The following CXCL17 variants were observed in gnomAD, a reference collection of about 807,000 sequenced individuals.
CXCL17 encodes the protein C-X-C motif chemokine 17.
In CXCL17, 9 loss-of-function variants were observed where a neutral mutation model predicts 15.5. The ratio of observed to expected loss-of-function variants is 0.58; its 90% confidence interval spans 0.35 to 1.01. The LOEUF (loss-of-function observed/expected upper bound fraction) is 1.01. Ranked by LOEUF, CXCL17 falls within the 50% of genes least tolerant of loss-of-function variation. CXCL17 has a pLI of 0.02. For missense variants in CXCL17, 133 were observed against 138.2 expected (o/e 0.96, Z 0.19); for synonymous variants, 52 against 52.3 (o/e 0.99, Z 0.02).
At chr19:42,436,001 T>C (rs1008443866) in intron 1 of CXCL17, among the ~76,000 whole-genome samples, 3 of 152,150 alleles carry the variant, frequency 2.0e-5, no homozygotes, top group African/African-American at 7.2e-5. Context: ...CTGTGAGGAA[T>C]AAATTTCTCT....
Position 42,433,096 on chromosome 19 carries a change from T to G in CXCL17, c.161-19A>C. 3 of 1,551,992 alleles carry G rather than the reference T, an allele frequency of 1.9e-6. No homozygotes were observed. Among genetic ancestry groups the G allele is most frequent in the Non-Finnish European group, 2.7e-6 (3 of 1,124,860 alleles). ...AACCAATCTGGAACAACAGCATTGC[T>G]GCTTAGATGGGAGAGTTAATACATT... On this transcript the variant is annotated intron_variant, in intron 2 of 3. Transcript: ENST00000601181.
chr19:42,433,814 C>T lies in CXCL17; in HGVS notation c.122G>A (p.Arg41Lys). The T allele has an allele frequency of 6.2e-7, 1 of 1,614,124 alleles. No homozygotes were observed. Among genetic ancestry groups the T allele is most frequent in the South Asian group, 1.1e-5 (1 of 91,080 alleles). Residue 41 changes from arginine to lysine, a missense_variant, in exon 2 of 4, where the codon AGA becomes AAA. By Grantham distance (26) the Arg-to-Lys change is conservative. Coordinates refer to ENST00000601181, the MANE Select transcript of CXCL17 (RefSeq NM_198477.3). ...TTCTTGGCCGCCTTCCTGGAGCCAT[C>T]TCCTAGAAGCCTGGCCTCGGTCCCT... ...GHRDRGQASR[R>K]WLQEGGQECE...
chr19:42,438,279 AC>A (rs2040852274), intron 1 of CXCL17, among the ~76,000 whole-genome samples: 1 of 141,844 alleles, frequency 7.1e-6, no homozygotes. Context: ...AATGGTGTGA[AC>A]CCAGGAGGCA....
chr19:42,442,261 T>G (rs2040901151), intron 1 of CXCL17, among the ~76,000 whole-genome samples: 1 of 137,138 alleles, frequency 7.3e-6, no homozygotes, highest in African/African-American at 2.7e-5. Context: ...TGAGATGGAG[T>G]CTCACTCTGT....
intron 1 of CXCL17, among the ~76,000 whole-genome samples, chr19:42,442,318 C>T (rs1434583383): frequency 6.7e-6 from 1 of 150,244 alleles, no homozygotes; most frequent in Non-Finnish European, 1.5e-5. Context: ...ACTGCAGCCT[C>T]CACCTCCTGG....
intron 1 of CXCL17, among the ~76,000 whole-genome samples, chr19:42,439,272 AAAG>A (rs2040868606): frequency 6.6e-6 from 1 of 150,944 alleles, no homozygotes; most frequent in Non-Finnish European, 1.5e-5. Flanking sequence ...AAAAAAAAAA[AAAG>A]AAAAAGAAAA....
intron 1 of CXCL17, 39 bp downstream of exon 1, chr19:42,442,715 T>TC (rs11380022): frequency 0.12 from 175,157 of 1,492,024 alleles, 17,350 homozygotes; most frequent in African/African-American, 0.48. Flanking sequence ...TTGCCACATT[T>TC]CTCCCCCCGT....
Position 42,442,775 on chromosome 19 carries a change from C to T in CXCL17, c.58G>A (p.Val20Ile), listed in dbSNP as rs770529524. ...LLLPLMLMSM[V>I]SSSLNPGVAR... ...TTACCTGGATTCAGGCTGCTAGAGA[C>T]CATGGACATCAGCATTAGTGGCAGC... The change falls in exon 1 of 4, where the codon GTC becomes ATC. Residue 20 changes from valine (V) to isoleucine (I), a missense_variant. Physicochemically the swap from Val to Ile is conservative, Grantham distance 29. Transcript: ENST00000601181. 6 of 1,612,858 alleles carry T rather than the reference C, an allele frequency of 3.7e-6. No individual in the cohort carries two copies. The South Asian group carries it at 5.5e-5, about 15-fold the overall frequency.
chr19:42,442,856 G>A lies in CXCL17; in HGVS notation c.-24C>T, dbSNP rs1449296259. On this transcript the variant is annotated 5_prime_UTR_variant, in exon 1 of 4. Transcript: ENST00000601181. Reference sequence around the variant, plus strand: ...ATCGCAACTGTCGGTGCAGCTGTAAGTTGCTTGAAGAATATAATGGAAGGT... The same window carrying A: ...ATCGCAACTGTCGGTGCAGCTGTAAATTGCTTGAAGAATATAATGGAAGGT... 1 of 1,592,670 alleles carries A rather than the reference G, an allele frequency of 6.3e-7. No homozygotes were observed. The highest frequency in any genetic ancestry group is 8.6e-7 in the Non-Finnish European group (1 of 1,160,964).
chr19:42,441,532 A>G (rs1332261935), intron 1 of CXCL17, among the ~76,000 whole-genome samples: 1 of 152,166 alleles, frequency 6.6e-6, no homozygotes, highest in Non-Finnish European at 1.5e-5. Flanking sequence ...TGTCTGTCAT[A>G]GTGATGGAAA....
chr19:42,432,799 T>C (rs1175568599), intron 3 of CXCL17, among the ~76,000 whole-genome samples, 177 bp downstream of exon 3: 1 of 152,254 alleles, frequency 6.6e-6, no homozygotes, highest in Non-Finnish European at 1.5e-5. Flanking sequence ...AGGAAAATTG[T>C]ATCCTGCTTT....
chr19:42,431,774 T>C (rs1034999322), intron 3 of CXCL17, among the ~76,000 whole-genome samples: 1 of 151,882 alleles, frequency 6.6e-6, no homozygotes, highest in Non-Finnish European at 1.5e-5. Context: ...CTCCTTGGCT[T>C]ACTGGATCCT....
intron 3 of CXCL17, among the ~76,000 whole-genome samples, chr19:42,430,216 C>A (rs1381802508): frequency 1.3e-5 from 2 of 152,006 alleles, no homozygotes; most frequent in African/African-American, 2.4e-5. Flanking sequence ...TATTATATAT[C>A]TATAGAAGTT....
chr19:42,437,936 G>C lies in CXCL17; in HGVS notation c.80-4080C>G, dbSNP rs192358495. On this transcript the variant is annotated intron_variant, in intron 1 of 3. Transcript: ENST00000601181. ...AGGGGATGCATTCCAAGACCCCCAA[G>C]ATACTTCAAGTCTCAGATAGTACCA... 6.2e-4 allele frequency among the ~76,000 whole-genome samples: 94 copies of C among 152,102 alleles called. 2 individuals are homozygous for C. Among genetic ancestry groups the C allele is most frequent in the Non-Finnish European group, 5.6e-4 (38 of 68,000 alleles).
At position 42,438,263 on chromosome 19, in the gene CXCL17, C is replaced by A. The variant is rs569474123; in HGVS notation, c.80-4407G>T. Among the ~76,000 whole-genome samples, 55 of 139,544 alleles carry A rather than the reference C, an allele frequency of 3.9e-4. 1 individual carries two copies. The highest frequency in any genetic ancestry group is 1.5e-3 in the African/African-American group (53 of 36,298). The allele number at this position is 139,544 out of a possible 152,430, so 91.5% of individuals were successfully genotyped here. A position where few individuals can be genotyped will look rare whatever the true frequency, so the allele number is the denominator to read the frequency against. On this transcript the variant is annotated intron_variant, in intron 1 of 3. Coordinates refer to ENST00000601181, the MANE Select transcript of CXCL17 (RefSeq NM_198477.3). ...GTCCCAGCTACTCGGGAGGCTGAGG[C>A]AGGAGAATGGTGTGAACCCAGGAGG...
intron 1 of CXCL17, among the ~76,000 whole-genome samples, chr19:42,439,271 A>AAAAG (rs2040868552): frequency 1.3e-5 from 2 of 151,252 alleles, no homozygotes; most frequent in African/African-American, 4.9e-5. Flanking sequence ...AAAAAAAAAA[A>AAAAG]AAAGAAAAAG....
At chr19:42,430,088 GC>G (rs2040762386) in intron 3 of CXCL17, among the ~76,000 whole-genome samples, 1 of 151,542 alleles carries the variant, frequency 6.6e-6, no homozygotes. Context: ...GAATGTTTCA[GC>G]CCAGGAGGTG....
At chr19:42,433,892 A>G in intron 1 of CXCL17, 36 bp from the exon 2 acceptor site, 1 of 1,520,176 alleles carries the variant, frequency 6.6e-7, no homozygotes, top group Non-Finnish European at 9.1e-7. Flanking sequence ...CAGACACTGG[A>G]AAGGGCACAG....
chr19:42,432,667 A>C (rs1456556877), intron 3 of CXCL17, among the ~76,000 whole-genome samples: 1 of 152,214 alleles, frequency 6.6e-6, no homozygotes, highest in Non-Finnish European at 1.5e-5. Flanking sequence ...ATTCTGTTTG[A>C]TGCTGACACT....
Sources: gnomAD v4.1 joint callset for allele counts (sites outside exome capture counted in the v4.1 genomes callset) on GRCh38, gnomAD v4.1.1 for gene constraint, MANE v1.5 for transcripts, NCBI Gene and HGNC (gene_info 2026-07-23, HGNC 2026-07-21) for gene names.